The following TMTC2 variants were observed in gnomAD, a reference collection of about 807,000 sequenced individuals.
TMTC2 encodes protein O-mannosyl-transferase TMTC2.
Under a neutral mutation model 82.4 loss-of-function variants are expected in TMTC2, and 43 were observed. The observed-to-expected ratio is 0.52, with a 90% CI of 0.41 to 0.67. TMTC2 has a LOEUF of 0.67. Ranked by LOEUF, TMTC2 falls within the 30% of genes least tolerant of loss-of-function variation. The pLI, the probability that TMTC2 is intolerant of heterozygous loss-of-function variation, is 0.00. For missense variants in TMTC2, 919 were observed against 1,012.4 expected, an observed-to-expected ratio of 0.91 and a Z score of 1.25; for synonymous variants, 408 against 381.9, an observed-to-expected ratio of 1.07 and a Z score of -0.80.
chr12:83,068,216 G>A (rs1438924656), intron 11 of TMTC2, among the ~76,000 whole-genome samples: 1 of 151,906 alleles, frequency 6.6e-6, no homozygotes, highest in Non-Finnish European at 1.5e-5. Flanking sequence ...ACTGTGGAGT[G>A]GAAATAACCA....
chr12:82,955,339 G>T (rs1228775084), intron 4 of TMTC2, among the ~76,000 whole-genome samples: 2 of 152,156 alleles, frequency 1.3e-5, no homozygotes, highest in African/African-American at 4.8e-5. Context: ...CAATGTTTAG[G>T]ATCACCTAGG....
intron 3 of TMTC2, among the ~76,000 whole-genome samples, chr12:82,926,691 G>A (rs183036120): frequency 1.3e-5 from 2 of 152,290 alleles, no homozygotes; most frequent in Non-Finnish European, 2.9e-5. Flanking sequence ...AGGACAGGCT[G>A]ACTGTTATTT....
At chr12:83,109,556 A>G (rs899607670) in intron 11 of TMTC2, among the ~76,000 whole-genome samples, 2 of 152,186 alleles carry the variant, frequency 1.3e-5, no homozygotes, top group African/African-American at 4.8e-5. Context: ...CTCATTTCAA[A>G]CATCCCTTCC....
At chr12:82,914,146 A>G (rs1874857370) in intron 3 of TMTC2, among the ~76,000 whole-genome samples, 1 of 152,366 alleles carries the variant, frequency 6.6e-6, no homozygotes, top group Non-Finnish European at 1.5e-5. Flanking sequence ...CTGAAAGTAC[A>G]GAAGAAATGC....
chr12:82,793,968 C>A (rs148117967), intron 1 of TMTC2, among the ~76,000 whole-genome samples: 25 of 152,246 alleles, frequency 1.6e-4, no homozygotes, highest in African/African-American at 5.5e-4. Flanking sequence ...TCCCTAGGGA[C>A]GTTTTTCAAT....
chr12:82,853,982 A>G lies in TMTC2; in HGVS notation c.84-3028A>G, dbSNP rs553924459. On this transcript the variant is annotated intron_variant, in intron 1 of 11. Coordinates refer to ENST00000321196, the MANE Select transcript of TMTC2 (RefSeq NM_152588.3). ...TTTTAAATTTTAATTATAACCCATC[A>G]AGTCTTAAGCAATTACTTCTGGGTA... is the stretch of plus-strand genomic sequence containing the variant. Among the ~76,000 whole-genome samples, 5 of 151,786 alleles carry G rather than the reference A, an allele frequency of 3.3e-5. No individual in the cohort carries two copies. In the East Asian group the frequency reaches 9.7e-4, roughly 29 times the overall value.
chr12:82,785,843 G>T (rs970700034), intron 1 of TMTC2, among the ~76,000 whole-genome samples: 1 of 152,094 alleles, frequency 6.6e-6, no homozygotes, highest in African/African-American at 2.4e-5. Flanking sequence ...GTTCATTTCT[G>T]CAGATATTTG....
At chr12:82,829,030 A>G (rs188476040) in intron 1 of TMTC2, among the ~76,000 whole-genome samples, 1 of 152,314 alleles carries the variant, frequency 6.6e-6, no homozygotes, top group African/African-American at 2.4e-5. Context: ...AAAGTGTTTA[A>G]TGTGCAGACT....
chr12:82,933,678 G>T (rs190851840), intron 4 of TMTC2, among the ~76,000 whole-genome samples: 8 of 152,142 alleles, frequency 5.3e-5, no homozygotes, highest in African/African-American at 1.9e-4. Flanking sequence ...ATTAATTGGC[G>T]TGGAATACCT....
In TMTC2 at chr12:82,902,591, TC is replaced by T. The variant is rs1330538707; in HGVS notation, c.1483+5946del. On this transcript the variant is annotated intron_variant, in intron 3 of 11. Coordinates refer to ENST00000321196, the MANE Select transcript of TMTC2 (RefSeq NM_152588.3). ...CTCCTGCTTCTATTCACCTTCAAAGTCTATGCTTAACCAGCAGCCATGGTGA... is the reference window on the plus strand; with the variant it reads ...CTCCTGCTTCTATTCACCTTCAAAGTTATGCTTAACCAGCAGCCATGGTGA... 3.9e-5 allele frequency among the ~76,000 whole-genome samples: 6 copies of T among 152,208 alleles called. No homozygotes were observed. The East Asian group carries it at 1.2e-3, about 29-fold the overall frequency.
At chr12:82,841,426 G>A (rs1176643241) in intron 1 of TMTC2, among the ~76,000 whole-genome samples, 4 of 152,134 alleles carry the variant, frequency 2.6e-5, no homozygotes, top group Non-Finnish European at 5.9e-5. Context: ...ACAAATTAGA[G>A]TTGCTGGTGG....
intron 1 of TMTC2, among the ~76,000 whole-genome samples, chr12:82,837,718 C>A (rs896730615): frequency 6.6e-6 from 1 of 152,134 alleles, no homozygotes; most frequent in Non-Finnish European, 1.5e-5. Flanking sequence ...ATCATTTAAA[C>A]CTTTTAAATA....
chr12:82,954,987 ATCT>A (rs1214296357), intron 4 of TMTC2, among the ~76,000 whole-genome samples: 5 of 152,294 alleles, frequency 3.3e-5, no homozygotes, highest in African/African-American at 1.2e-4. Flanking sequence ...TCTGTAGTAT[ATCT>A]TCTTGTATAG....
chr12:83,101,860 AAGAT>A (rs1472396595), intron 11 of TMTC2, among the ~76,000 whole-genome samples: 1 of 152,246 alleles, frequency 6.6e-6, no homozygotes, highest in Non-Finnish European at 1.5e-5. Context: ...CTGACCCACT[AAGAT>A]AGAGGAAGAT....
At chr12:82,902,815 T>TA (rs1413139542) in intron 3 of TMTC2, among the ~76,000 whole-genome samples, 1 of 152,204 alleles carries the variant, frequency 6.6e-6, no homozygotes, top group Admixed American at 6.5e-5. Flanking sequence ...CAGCCTCATG[T>TA]AATATGCCTT....
At position 82,906,638 on chromosome 12, in the gene TMTC2, G is replaced by A. The variant is rs188697493; in HGVS notation, c.1483+9992G>A. ...CAGGAGGCGGAGGCTGCAGTGAGCC[G>A]AGATCGTGCCATTGCACTCCAGCCT... On this transcript the variant is annotated intron_variant, in intron 3 of 11. Coordinates refer to ENST00000321196, the MANE Select transcript of TMTC2 (RefSeq NM_152588.3). 4.7e-3 allele frequency among the ~76,000 whole-genome samples: 710 copies of A among 152,240 alleles called. 5 individuals are homozygous for A. The highest frequency in any genetic ancestry group is 7.4e-3 in the Non-Finnish European group (501 of 68,016).
chr12:82,811,635 CTT>C (rs1049308660), intron 1 of TMTC2, among the ~76,000 whole-genome samples: 29 of 151,792 alleles, frequency 1.9e-4, no homozygotes, highest in African/African-American at 5.8e-4. Context: ...ATTTTAGAAA[CTT>C]AAAATATAAT....
intron 1 of TMTC2, among the ~76,000 whole-genome samples, chr12:82,733,267 A>G (rs1165467457): frequency 6.6e-6 from 1 of 152,232 alleles, no homozygotes; most frequent in Non-Finnish European, 1.5e-5. Flanking sequence ...GTTTAAGGAC[A>G]CCAAAAATCA....
At chr12:82,731,852 A>G (rs903959237) in intron 1 of TMTC2, among the ~76,000 whole-genome samples, 5 of 152,342 alleles carry the variant, frequency 3.3e-5, no homozygotes, top group African/African-American at 1.2e-4. Flanking sequence ...TTCTTGGATC[A>G]TGGTAATATA....
Sources: allele counts gnomAD v4.1 joint callset (sites outside exome capture counted in the v4.1 genomes callset), GRCh38; gene constraint gnomAD v4.1.1; transcripts MANE v1.5; gene names NCBI Gene and HGNC (gene_info 2026-07-23, HGNC 2026-07-21).